MAST4: variants seen among roughly 807,000 people sequenced by gnomAD.
The protein encoded by MAST4 is microtubule-associated serine/threonine-protein kinase 4.
Under a neutral mutation model 162.7 loss-of-function variants are expected in MAST4, and 89 were observed. The ratio of observed to expected loss-of-function variants is 0.55; its 90% CI spans 0.46 to 0.65. MAST4 has a LOEUF of 0.65. Among genes scored for constraint, MAST4 ranks in the 30% least tolerant of loss-of-function variants. MAST4 has a pLI of 0.00. For synonymous variants in MAST4, 1,479 were observed against 1,361.1 expected, an observed-to-expected ratio of 1.09 and a Z score of -1.91; for missense variants, 3,153 against 3,374.0, an observed-to-expected ratio of 0.93 and a Z score of 1.62.
intron 1 of MAST4, among the ~76,000 whole-genome samples, chr5:66,632,095 C>T (rs754717219): frequency 6.6e-6 from 1 of 152,082 alleles, no homozygotes; most frequent in Non-Finnish European, 1.5e-5. Context: ...TGGGAAAAAT[C>T]CTTAAAATCT....
At chr5:67,143,633 T>C (rs1770691945) in intron 21 of MAST4, among the ~76,000 whole-genome samples, 1 of 152,200 alleles carries the variant, frequency 6.6e-6, no homozygotes, top group South Asian at 2.1e-4. Context: ...AATGATTACC[T>C]AGATGCACCT....
At chr5:67,013,575 A>G (rs1752935994) in intron 4 of MAST4, among the ~76,000 whole-genome samples, 2 of 152,156 alleles carry the variant, frequency 1.3e-5, no homozygotes, top group African/African-American at 4.8e-5. Context: ...TTTCTTCCTT[A>G]AGAGTCGTTA....
chr5:66,825,595 T>C lies in MAST4; in HGVS notation c.642+36801T>C, dbSNP rs79827006. Among the ~76,000 whole-genome samples the C allele has an allele frequency of 2.3e-3, 356 of 152,338 alleles. 5 individuals are homozygous for C. The highest frequency in any genetic ancestry group is 0.017 in the East Asian group (90 of 5,190). ...CAAACGTTTTCTTTCCCCCTTGTTT[T>C]TCTCAGTTGGTATTTGGAATTGTTT... On this transcript the variant is annotated intron_variant, in intron 3 of 28. Coordinates refer to ENST00000403625, the MANE Select transcript of MAST4 (RefSeq NM_001164664.2).
intron 5 of MAST4, among the ~76,000 whole-genome samples, chr5:67,074,699 A>G (rs75282028): frequency 0.035 from 5,284 of 152,304 alleles, 272 homozygotes; most frequent in African/African-American, 0.11. Flanking sequence ...ACAAAACAGT[A>G]TGGTTTATGA....
At chr5:67,134,411 C>G in intron 17 of MAST4, 112 bp from the exon 18 acceptor site, 2 of 787,470 alleles carry the variant, frequency 2.5e-6, no homozygotes, top group Non-Finnish European at 4.0e-6. Flanking sequence ...CCATGTGGTT[C>G]CATGTGGTTG....
intron 5 of MAST4, among the ~76,000 whole-genome samples, chr5:67,065,268 A>C (rs1476518025): frequency 1.4e-4 from 21 of 152,146 alleles, no homozygotes; most frequent in Admixed American, 1.2e-3. Flanking sequence ...TGTGGTTTTG[A>C]GAACATGGTA....
At chr5:66,646,756 A>G (rs749797354) in intron 1 of MAST4, among the ~76,000 whole-genome samples, 2 of 152,184 alleles carry the variant, frequency 1.3e-5, no homozygotes, top group African/African-American at 4.8e-5. Context: ...ACCATTTATC[A>G]TGATTGTGTA....
chr5:66,686,879 T>TA (rs1748694163), intron 1 of MAST4, among the ~76,000 whole-genome samples: 1 of 152,178 alleles, frequency 6.6e-6, no homozygotes, highest in African/African-American at 2.4e-5. Flanking sequence ...ATACAAAATT[T>TA]AAAAATTAAG....
At chr5:66,982,963 G>A (rs1262739922) in intron 4 of MAST4, among the ~76,000 whole-genome samples, 1 of 152,198 alleles carries the variant, frequency 6.6e-6, no homozygotes, top group Non-Finnish European at 1.5e-5. Context: ...TAGATATCAA[G>A]GAATGCTGCC....
intron 8 of MAST4, 63 bp downstream of exon 8, chr5:67,100,655 G>A: frequency 1.3e-6 from 2 of 1,593,486 alleles, no homozygotes. Flanking sequence ...CATTTTGAGT[G>A]AACACTTCGG....
intron 8 of MAST4, 72 bp from the exon 9 acceptor site, chr5:67,102,464 G>A (rs771710166): frequency 2.2e-6 from 3 of 1,370,656 alleles, no homozygotes; most frequent in South Asian, 1.2e-5. Flanking sequence ...GCAACTGACT[G>A]TTTATAAATA....
At chr5:66,644,977 G>A (rs1745731109) in intron 1 of MAST4, among the ~76,000 whole-genome samples, 1 of 151,758 alleles carries the variant, frequency 6.6e-6, no homozygotes, top group South Asian at 2.1e-4. Context: ...AGGATTAGAG[G>A]TGGGGTCAGT....
intron 9 of MAST4, 73 bp downstream of exon 9, chr5:67,102,684 T>C: frequency 2.4e-6 from 3 of 1,233,154 alleles, no homozygotes; most frequent in Non-Finnish European, 3.6e-6. Flanking sequence ...GTAAGGTTGT[T>C]TTGTTATAGG....
chr5:66,828,333 G>C (rs1757373760), intron 3 of MAST4, among the ~76,000 whole-genome samples: 3 of 152,132 alleles, frequency 2.0e-5, no homozygotes, highest in Admixed American at 2.0e-4. Context: ...CTTTGGAAGA[G>C]ATGAGCGCCA....
intron 4 of MAST4, among the ~76,000 whole-genome samples, chr5:67,028,539 T>G (rs1581251679): frequency 6.6e-6 from 1 of 152,092 alleles, no homozygotes; most frequent in South Asian, 2.1e-4. Flanking sequence ...AGCAGGCTGG[T>G]GACCGTGAGA....
chr5:66,728,066 A>C (rs1026802233), intron 1 of MAST4, among the ~76,000 whole-genome samples: 1 of 152,158 alleles, frequency 6.6e-6, no homozygotes, highest in Non-Finnish European at 1.5e-5. Context: ...TGATTGTTTC[A>C]TGAGGATTAA....
intron 5 of MAST4, among the ~76,000 whole-genome samples, chr5:67,065,544 G>A (rs192666046): frequency 6.6e-6 from 1 of 152,304 alleles, no homozygotes; most frequent in East Asian, 1.9e-4. Context: ...TCAGCCAGCT[G>A]TCTTCATTAA....
chr5:67,135,269 A>T (rs184212035), intron 18 of MAST4, among the ~76,000 whole-genome samples: 1 of 152,336 alleles, frequency 6.6e-6, no homozygotes, highest in Non-Finnish European at 1.5e-5. Flanking sequence ...TTAAAATTCA[A>T]TAACTTTTAG....
At position 67,165,100 on chromosome 5, in the gene MAST4, C is replaced by G. The variant is rs1491002848; in HGVS notation, c.5921C>G (p.Ser1974Cys). ...GAGAAGCCAGGCCTGAGGGAATCGT[C>G]TGAAAGAGGCCCTCCCACAGCCAGA... ...SREKPGLRES[S>C]ERGPPTARSE... Residue 1974 changes from serine (S) to cysteine (C), a missense_variant, in exon 29 of 29, where the codon TCT (serine) becomes TGT (cysteine). Coordinates refer to ENST00000403625, the MANE Select transcript of MAST4 (RefSeq NM_001164664.2). 6.3e-7 allele frequency: 1 copy of G among 1,591,698 alleles called. No individual in the cohort carries two copies. The highest frequency in any genetic ancestry group is 2.3e-5 in the East Asian group (1 of 43,574).
Sources: allele counts gnomAD v4.1 joint callset (sites outside exome capture counted in the v4.1 genomes callset), GRCh38; gene constraint gnomAD v4.1.1; transcripts MANE v1.5; gene names NCBI Gene and HGNC (gene_info 2026-07-23, HGNC 2026-07-21).